Variants in CADM1 observed in about 807,000 individuals in gnomAD.
CADM1 encodes the protein cell adhesion molecule 1.
In CADM1, 15 loss-of-function variants were observed where a neutral mutation model predicts 53.1. The observed-to-expected ratio is 0.28, with a 90% CI of 0.19 to 0.44. The LOEUF is 0.44. CADM1 is among the 20% of genes least tolerant of loss of function. The pLI is 1.00. For synonymous variants in CADM1, 281 were observed against 243.0 expected, an observed-to-expected ratio of 1.16 and a Z score of -1.45; for missense variants, 434 against 611.3, an observed-to-expected ratio of 0.71 and a Z score of 3.06.
At chr11:115,187,656 G>C (rs1939630380) in intron 10 of CADM1, among the ~76,000 whole-genome samples, 1 of 152,158 alleles carries the variant, frequency 6.6e-6, no homozygotes, top group African/African-American at 2.4e-5. Flanking sequence ...GGCCAGGCTG[G>C]TCTCGAATTC....
intron 1 of CADM1, among the ~76,000 whole-genome samples, chr11:115,272,090 T>TA (rs1428092996): frequency 2.0e-5 from 3 of 151,782 alleles, no homozygotes; most frequent in Admixed American, 6.6e-5. Context: ...TTTTTTTTTT[T>TA]AGGAACTTGC....
intron 1 of CADM1, among the ~76,000 whole-genome samples, chr11:115,264,411 C>A (rs1486786041): frequency 6.6e-6 from 1 of 152,196 alleles, no homozygotes; most frequent in Non-Finnish European, 1.5e-5. Context: ...TTTCTGTGGG[C>A]TAATGGATGG....
Position 115,334,415 on chromosome 11 carries a change from T to G in CADM1, c.125-93995A>C, listed in dbSNP as rs553513050. 6.6e-5 allele frequency among the ~76,000 whole-genome samples: 10 copies of G among 151,830 alleles called. No individual in the cohort carries two copies. In the South Asian group the frequency reaches 2.1e-3, roughly 32 times the overall value. ...ATCTGTAGTTTTACTTTCTATGGTT[T>G]CAGTTACCCTGGGCCAATGGGGGTC... is the stretch of plus-strand genomic sequence containing the variant. On this transcript the variant is annotated intron_variant, in intron 1 of 11. Transcript: ENST00000331581.
intron 1 of CADM1, among the ~76,000 whole-genome samples, chr11:115,494,594 C>T (rs933061557): frequency 7.9e-5 from 12 of 152,124 alleles, no homozygotes; most frequent in Non-Finnish European, 1.5e-4. Context: ...CGGTGTTCTT[C>T]AGTTTCACCT....
chr11:115,231,848 C>T lies in CADM1; in HGVS notation c.425-358G>A, dbSNP rs527511571. On this transcript the variant is annotated intron_variant, in intron 3 of 11. Coordinates refer to ENST00000331581, the MANE Select transcript of CADM1 (RefSeq NM_001301043.2). Reference sequence around the variant, plus strand: ...TTAAAAATACAAAATTATCCGGGCACGGCGGCACATGCCTGTAATCCCAGC... The same window carrying T: ...TTAAAAATACAAAATTATCCGGGCATGGCGGCACATGCCTGTAATCCCAGC... 9.2e-5 allele frequency among the ~76,000 whole-genome samples: 14 copies of T among 152,062 alleles called. No homozygotes were observed. The South Asian group carries it at 1.0e-3, about 11-fold the overall frequency.
intron 8 of CADM1, among the ~76,000 whole-genome samples, chr11:115,199,604 T>C (rs779652547): frequency 6.6e-6 from 1 of 152,202 alleles, no homozygotes; most frequent in Non-Finnish European, 1.5e-5. Flanking sequence ...ACATTCTTTT[T>C]CCAGAGTCAT....
At chr11:115,498,773 G>A in intron 1 of CADM1, among the ~76,000 whole-genome samples, 1 of 152,190 alleles carries the variant, frequency 6.6e-6, no homozygotes, top group East Asian at 1.9e-4. Flanking sequence ...TGAGAATACT[G>A]TGCGTACGGC....
chr11:115,471,167 C>T (rs918762277), intron 1 of CADM1, among the ~76,000 whole-genome samples: 4 of 152,012 alleles, frequency 2.6e-5, no homozygotes, highest in East Asian at 1.9e-4. Flanking sequence ...TTTTTTTCTC[C>T]GACCTATTAG....
intron 1 of CADM1, among the ~76,000 whole-genome samples, chr11:115,424,186 A>G (rs554126730): frequency 6.6e-6 from 1 of 152,354 alleles, no homozygotes; most frequent in Non-Finnish European, 1.5e-5. Flanking sequence ...CAGCTAACTA[A>G]TAGCTCCATC....
At chr11:115,336,460 C>T (rs1000934111) in intron 1 of CADM1, among the ~76,000 whole-genome samples, 6 of 152,058 alleles carry the variant, frequency 3.9e-5, no homozygotes, top group African/African-American at 1.4e-4. Flanking sequence ...AAACCGACTG[C>T]CACATTTGCA....
chr11:115,430,159 A>G (rs1052125739), intron 1 of CADM1, among the ~76,000 whole-genome samples: 1 of 152,252 alleles, frequency 6.6e-6, no homozygotes, highest in Non-Finnish European at 1.5e-5. Flanking sequence ...AGGAGAAGAT[A>G]CAAAAAAGTA....
chr11:115,375,583 C>A (rs1369373535), intron 1 of CADM1, among the ~76,000 whole-genome samples: 4 of 152,084 alleles, frequency 2.6e-5, no homozygotes, highest in Non-Finnish European at 5.9e-5. Context: ...ATATTTAATA[C>A]TTTGTGATGT....
intron 1 of CADM1, among the ~76,000 whole-genome samples, chr11:115,267,698 T>TC (rs1943183013): frequency 6.8e-6 from 1 of 147,568 alleles, no homozygotes; most frequent in Non-Finnish European, 1.5e-5. Flanking sequence ...TTTTTTTTTT[T>TC]CTAAAATTGC....
chr11:115,241,404 C>A (rs941361176), intron 1 of CADM1, among the ~76,000 whole-genome samples: 4 of 152,178 alleles, frequency 2.6e-5, no homozygotes, highest in Non-Finnish European at 5.9e-5. Flanking sequence ...AAACCGATAC[C>A]TTATCCCTAC....
chr11:115,438,482 CA>C (rs1474591055), intron 1 of CADM1, among the ~76,000 whole-genome samples: 5 of 151,744 alleles, frequency 3.3e-5, no homozygotes, highest in African/African-American at 1.2e-4. Context: ...AACGATGAAA[CA>C]AATCAGACAG....
rs547530451 is a variant in CADM1, at chr11:115,266,571, T to C, written c.125-26151A>G. Among the ~76,000 whole-genome samples the C allele has an allele frequency of 1.6e-4, 25 of 152,350 alleles. No individual in the cohort carries two copies. In the South Asian group the frequency reaches 2.3e-3, roughly 14 times the overall value. ...TCCACATTTACCAACTTAATGCTTG[T>C]TCTATGCCAGCCAACAAATAGCAAT... On this transcript the variant is annotated intron_variant, in intron 1 of 11. Transcript: ENST00000331581.
intron 1 of CADM1, among the ~76,000 whole-genome samples, chr11:115,382,356 T>C (rs1168017642): frequency 6.6e-6 from 1 of 151,978 alleles, no homozygotes; most frequent in African/African-American, 2.4e-5. Context: ...GAATATAAAA[T>C]GCACACGAGA....
intron 1 of CADM1, among the ~76,000 whole-genome samples, chr11:115,341,539 A>T (rs1407121682): frequency 6.6e-6 from 1 of 152,222 alleles, no homozygotes; most frequent in Non-Finnish European, 1.5e-5. Context: ...TGCAATTTTC[A>T]GTTTCAGTAA....
Position 115,269,634 on chromosome 11 carries a change from G to A in CADM1, c.125-29214C>T, listed in dbSNP as rs140735238. Among the ~76,000 whole-genome samples the A allele has an allele frequency of 6.9e-3, 1,058 of 152,272 alleles. 40 individuals carry two copies. The highest frequency in any genetic ancestry group is 0.062 in the Admixed American group (953 of 15,292). The stretch of plus-strand genomic sequence containing the variant: ...AAGGCACCAAGGGGAGTAGAGGACA[G>A]GGTTGGAGCTTCAACTCTGACTCCA... On this transcript the variant is annotated intron_variant, in intron 1 of 11. Transcript: ENST00000331581.
Sources: allele counts gnomAD v4.1 joint callset (sites outside exome capture counted in the v4.1 genomes callset), GRCh38; gene constraint gnomAD v4.1.1; transcripts MANE v1.5; gene names NCBI Gene and HGNC (gene_info 2026-07-23, HGNC 2026-07-21).